MINPP1: variants seen among roughly 807,000 people sequenced by gnomAD.
MINPP1 encodes multiple inositol polyphosphate phosphatase 1.
In MINPP1, 28 loss-of-function variants were observed where a neutral mutation model predicts 46.1. The ratio of observed to expected loss-of-function variants is 0.61; its 90% confidence interval spans 0.45 to 0.83. The LOEUF (loss-of-function observed/expected upper bound fraction) is 0.83. Ranked by LOEUF, MINPP1 falls within the 40% of genes least tolerant of loss-of-function variation. MINPP1 has a pLI of 0.00. For missense variants in MINPP1, 603 were observed against 610.0 expected (o/e 0.99, Z 0.12); for synonymous variants, 268 against 249.1 (o/e 1.08, Z -0.72).
chr10:87,533,704 CT>C (rs142181385), intron 4 of MINPP1, among the ~76,000 whole-genome samples: 1 of 151,806 alleles, frequency 6.6e-6, no homozygotes, highest in Admixed American at 6.6e-5. Flanking sequence ...CAGTGTTAAC[CT>C]TTTTTTTCTA....
chr10:87,505,152 C>T lies in MINPP1; in HGVS notation c.237C>T (p.Thr79=). Residue 79 remains threonine, a synonymous_variant, in exon 1 of 5, where the codon ACC becomes ACT. Coordinates refer to ENST00000371996, the MANE Select transcript of MINPP1 (RefSeq NM_004897.5). The surrounding 1 kb of genome is among the most constrained non-coding windows in gnomAD (Gnocchi z 4.4). ...CTGAGCTGCTGGAGGGGACCTGCACCCCGGTGCAGCTGGTCGCCCTCATTC... is the reference window on the plus strand; with the variant it reads ...CTGAGCTGCTGGAGGGGACCTGCACTCCGGTGCAGCTGGTCGCCCTCATTC... ...RDPELLEGTC[T]PVQLVALIRH... is the part of the protein sequence containing the mutation. The T allele has an allele frequency of 6.2e-7, 1 of 1,610,746 alleles. No homozygotes were observed.
At chr10:87,532,266 A>G (rs1230074159) in intron 4 of MINPP1, among the ~76,000 whole-genome samples, 49 of 152,332 alleles carry the variant, frequency 3.2e-4, no homozygotes, top group Non-Finnish European at 4.4e-5. Context: ...TTGTGGCTTG[A>G]AAGGAAAATT....
chr10:87,507,368 T>C (rs1851267154), intron 1 of MINPP1, among the ~76,000 whole-genome samples: 1 of 152,236 alleles, frequency 6.6e-6, no homozygotes, highest in Non-Finnish European at 1.5e-5. Context: ...AATTATATTT[T>C]AGTGTACACA....
intron 4 of MINPP1, among the ~76,000 whole-genome samples, chr10:87,531,953 T>C (rs1851666198): frequency 6.6e-6 from 1 of 152,186 alleles, no homozygotes; most frequent in African/African-American, 2.4e-5. Context: ...ACCTGACTCA[T>C]GGAATTGTGA....
chr10:87,552,543 T>A lies in MINPP1; in HGVS notation c.*65T>A. 1 of 1,492,222 alleles carries A rather than the reference T, an allele frequency of 6.7e-7. No individual in the cohort carries two copies. Among genetic ancestry groups the A allele is most frequent in the Non-Finnish European group, 9.2e-7 (1 of 1,081,910 alleles). The allele number at this position is 1,492,222 out of a possible 1,614,324, so 92.4% of individuals were successfully genotyped here. A position where few individuals can be genotyped will look rare whatever the true frequency, so the allele number is the denominator to read the frequency against. ...TGAGTGATTACATGCTTGTAATAGG[T>A]AGGCAATTCCTTGATTACAGGAAGC... On this transcript the variant is annotated 3_prime_UTR_variant, in exon 5 of 5. Transcript: ENST00000371996.
intron 4 of MINPP1, among the ~76,000 whole-genome samples, chr10:87,540,970 AAAAC>A (rs1284591178): frequency 4.6e-5 from 7 of 152,220 alleles, no homozygotes; most frequent in South Asian, 2.1e-4. Context: ...AAAAGTTATA[AAAAC>A]AAACAAACCC....
intron 2 of MINPP1, among the ~76,000 whole-genome samples, chr10:87,511,806 A>G (rs1339329170): frequency 6.6e-6 from 1 of 152,178 alleles, no homozygotes; most frequent in East Asian, 1.9e-4. Flanking sequence ...TCGAGTGTAA[A>G]TAAGCCAGGT....
At chr10:87,520,057 A>AGTGTGTGTGT (rs141533495) in intron 3 of MINPP1, among the ~76,000 whole-genome samples, 1,953 of 147,434 alleles carry the variant, frequency 0.013, 23 homozygotes, top group South Asian at 0.018. Context: ...TAAAAGGTAT[A>AGTGTGTGTGT]GTGTGTGTGT....
Position 87,525,504 on chromosome 10 carries a change from G to C in MINPP1, c.1067+4335G>C, listed in dbSNP as rs1210961676. The stretch of plus-strand genomic sequence containing the variant: ...TTTCATGGCTGAATAATATTCCTTT[G>C]TATTACTATATCATGTTTTTGTTCA... On this transcript the variant is annotated intron_variant, in intron 4 of 4. Transcript: ENST00000371996. Among the ~76,000 whole-genome samples, 6 of 152,020 alleles carry C rather than the reference G, an allele frequency of 3.9e-5. No homozygotes were observed. In the East Asian group the frequency reaches 9.7e-4, roughly 24 times the overall value.
chr10:87,520,935 T>C (rs1314797758), intron 3 of MINPP1, 101 bp from the exon 4 acceptor site: 2 of 630,806 alleles, frequency 3.2e-6, no homozygotes, highest in Admixed American at 2.7e-5. Flanking sequence ...TGCAGAATGG[T>C]AATTAAACAT....
chr10:87,548,536 C>G (rs751425024), intron 4 of MINPP1, among the ~76,000 whole-genome samples: 1 of 151,984 alleles, frequency 6.6e-6, no homozygotes, highest in Non-Finnish European at 1.5e-5. Flanking sequence ...GAGTAGCAAG[C>G]TATGTTAAGT....
intron 3 of MINPP1, among the ~76,000 whole-genome samples, chr10:87,515,377 A>G (rs1319558534): frequency 3.3e-5 from 5 of 151,822 alleles, no homozygotes; most frequent in African/African-American, 9.7e-5. Flanking sequence ...ACAAAGCAAG[A>G]CTCTGTCTCA....
intron 4 of MINPP1, among the ~76,000 whole-genome samples, chr10:87,536,946 T>G (rs1172992769): frequency 1.3e-5 from 2 of 152,218 alleles, no homozygotes; most frequent in Non-Finnish European, 2.9e-5. Flanking sequence ...TTTTCACTTT[T>G]TTTTTTTTGA....
chr10:87,548,480 G>A (rs1228088440), intron 4 of MINPP1, among the ~76,000 whole-genome samples: 1 of 152,040 alleles, frequency 6.6e-6, no homozygotes, highest in Non-Finnish European at 1.5e-5. Flanking sequence ...ATTTGCCCAG[G>A]GGCTTTTGTA....
At chr10:87,521,515 T>G (rs1319440332) in intron 4 of MINPP1, among the ~76,000 whole-genome samples, 1 of 152,194 alleles carries the variant, frequency 6.6e-6, no homozygotes, top group African/African-American at 2.4e-5. Flanking sequence ...CAGTTTATAT[T>G]ATGAATGTAT....
In MINPP1 at chr10:87,507,359, A is replaced by G. The variant is rs1851267015; in HGVS notation, c.638-977A>G. Among the ~76,000 whole-genome samples the G allele has an allele frequency of 2.0e-5, 3 of 152,222 alleles. No individual in the cohort carries two copies. The South Asian group carries it at 6.2e-4, about 32-fold the overall frequency. On this transcript the variant is annotated intron_variant, in intron 1 of 4. Coordinates refer to ENST00000371996, the MANE Select transcript of MINPP1 (RefSeq NM_004897.5). ...TAAAATACCCAGATGCACTTGGGAAATTATATTTTAGTGTACACAGAAAAA... is the reference window on the plus strand; with the variant it reads ...TAAAATACCCAGATGCACTTGGGAAGTTATATTTTAGTGTACACAGAAAAA...
chr10:87,520,056 T>TAG (rs1554852409), intron 3 of MINPP1, among the ~76,000 whole-genome samples: 1 of 37,796 alleles, frequency 2.6e-5, no homozygotes, highest in African/African-American at 2.1e-4. Flanking sequence ...ATAAAAGGTA[T>TAG]AGTGTGTGTG....
intron 2 of MINPP1, among the ~76,000 whole-genome samples, chr10:87,512,840 A>AT (rs748080626): frequency 6.6e-6 from 1 of 152,126 alleles, no homozygotes. Context: ...CAAAAAAAAA[A>AT]GGCAGAAAAA....
At chr10:87,540,150 G>T (rs1473904249) in intron 4 of MINPP1, among the ~76,000 whole-genome samples, 3 of 152,194 alleles carry the variant, frequency 2.0e-5, no homozygotes, top group Non-Finnish European at 2.9e-5. Flanking sequence ...GATTACAGGC[G>T]TGAGCCACCA....
Sources: gnomAD v4.1 joint callset for allele counts (sites outside exome capture counted in the v4.1 genomes callset) on GRCh38, gnomAD v4.1.1 for gene constraint, Gnocchi (gnomAD v3.1) non-coding constraint, MANE v1.5 for transcripts, NCBI Gene and HGNC (gene_info 2026-07-23, HGNC 2026-07-21) for gene names.